Variants in KIAA0232 observed in about 807,000 individuals in gnomAD.
KIAA0232 encodes uncharacterized protein KIAA0232.
A neutral mutation model predicts 122.0 loss-of-function variants in KIAA0232; 27 were observed. The ratio of observed to expected loss-of-function variants is 0.22; its 90% CI spans 0.16 to 0.31. The LOEUF (loss-of-function observed/expected upper bound fraction) is 0.31. Among genes scored for constraint, KIAA0232 ranks in the 10% least tolerant of loss-of-function variants. The pLI is 1.00. For missense variants in KIAA0232, 1,551 were observed against 1,634.2 expected (o/e 0.95, Z 0.88); for synonymous variants, 613 against 587.6 (o/e 1.04, Z -0.63).
intron 5 of KIAA0232, among the ~76,000 whole-genome samples, chr4:6,858,157 G>A (rs907691131): frequency 5.3e-5 from 8 of 152,206 alleles, no homozygotes; most frequent in Admixed American, 2.6e-4. Flanking sequence ...GGGGACTTCA[G>A]TCTCTTAATT....
At chr4:6,795,368 G>A (rs1404990851) in intron 1 of KIAA0232, among the ~76,000 whole-genome samples, 3 of 152,136 alleles carry the variant, frequency 2.0e-5, no homozygotes, top group South Asian at 2.1e-4. Flanking sequence ...CACCGCGCCC[G>A]GCCCACATGT....
chr4:6,818,000 TTAA>T (rs1163909978), intron 2 of KIAA0232, among the ~76,000 whole-genome samples: 1 of 152,198 alleles, frequency 6.6e-6, no homozygotes, highest in East Asian at 1.9e-4. Flanking sequence ...AGCTTTTTTA[TTAA>T]TGTTAGTGTA....
intron 4 of KIAA0232, among the ~76,000 whole-genome samples, chr4:6,845,688 G>T (rs1237635762): frequency 6.6e-6 from 1 of 152,080 alleles, no homozygotes; most frequent in African/African-American, 2.4e-5. Flanking sequence ...AATATGGGTA[G>T]TGCAGGTTCA....
chr4:6,867,133 G>A (rs1002813483), intron 7 of KIAA0232, among the ~76,000 whole-genome samples: 13 of 151,766 alleles, frequency 8.6e-5, no homozygotes, highest in African/African-American at 2.7e-4. Context: ...CTATTCCATC[G>A]TATGGATATA....
chr4:6,871,758 A>C, intron 8 of KIAA0232, 76 bp downstream of exon 8: 1 of 908,704 alleles, frequency 1.1e-6, no homozygotes, highest in Non-Finnish European at 1.8e-6. Flanking sequence ...TTTTTCTATG[A>C]ATATCAGTCC....
At position 6,882,713 on chromosome 4, in the gene KIAA0232, C is replaced by G. The variant is rs936972437; in HGVS notation, c.*1747C>G. ...GTTATTTATTTACGAACTTCAGATACGTTTTTATGTATTTTTCATTCTTCT... is the reference window on the plus strand; with the variant it reads ...GTTATTTATTTACGAACTTCAGATAGGTTTTTATGTATTTTTCATTCTTCT... On this transcript the variant is annotated 3_prime_UTR_variant, in exon 10 of 10. Coordinates refer to ENST00000307659, the MANE Select transcript of KIAA0232 (RefSeq NM_014743.3). 2 of 152,596 alleles carry G rather than the reference C, an allele frequency of 1.3e-5. No homozygotes were observed. The highest frequency in any genetic ancestry group is 4.8e-5 in the African/African-American group (2 of 41,434). 9.5% of individuals were successfully genotyped at this position (152,596 alleles called of 1,614,324 possible).
chr4:6,845,718 T>G (rs1476914974), intron 4 of KIAA0232, among the ~76,000 whole-genome samples: 1 of 152,182 alleles, frequency 6.6e-6, no homozygotes, highest in Non-Finnish European at 1.5e-5. Flanking sequence ...AGGATCTTAT[T>G]TCTTCTTTGG....
chr4:6,799,843 C>T (rs62289437), intron 1 of KIAA0232, among the ~76,000 whole-genome samples: 17,686 of 151,212 alleles, frequency 0.12, 1,314 homozygotes, highest in East Asian at 0.26. Flanking sequence ...TACAGGTGCC[C>T]GCCACCACTC....
intron 3 of KIAA0232, among the ~76,000 whole-genome samples, chr4:6,830,462 T>C (rs1469803131): frequency 7.2e-6 from 1 of 139,660 alleles, no homozygotes; most frequent in Non-Finnish European, 1.5e-5. Flanking sequence ...CAGGCTAGAG[T>C]GCAGGGGCGA....
chr4:6,793,251 A>G (rs879399600), intron 1 of KIAA0232, among the ~76,000 whole-genome samples: 2 of 152,214 alleles, frequency 1.3e-5, no homozygotes, highest in Non-Finnish European at 2.9e-5. Flanking sequence ...ACAACATTGC[A>G]TATTATGCTT....
At chr4:6,851,742 A>T (rs1047628807) in intron 4 of KIAA0232, among the ~76,000 whole-genome samples, 2 of 148,696 alleles carry the variant, frequency 1.3e-5, no homozygotes, top group African/African-American at 4.9e-5. Context: ...AAAAAAAAAA[A>T]GCGGGGAGGG....
chr4:6,800,043 C>CTTTTT lies in KIAA0232; in HGVS notation c.-353-4452_-353-4448dup, dbSNP rs752428517. 3.4e-3 allele frequency among the ~76,000 whole-genome samples: 204 copies of CTTTTT among 59,992 alleles called. 28 individuals carry two copies. The highest frequency in any genetic ancestry group is 4.8e-3 in the African/African-American group (74 of 15,302). 39.4% of individuals were successfully genotyped at this position (59,992 alleles called of 152,430 possible). The stretch of plus-strand genomic sequence containing the variant: ...TTTCTTTTTCTTTCTTTCTTTCTTT[C>CTTTTT]TTTTTTTTTTTTTTTTTTTTTTTTT... On this transcript the variant is annotated intron_variant, in intron 1 of 9. Coordinates refer to ENST00000307659, the MANE Select transcript of KIAA0232 (RefSeq NM_014743.3).
At chr4:6,840,371 C>A (rs544740608) in intron 3 of KIAA0232, among the ~76,000 whole-genome samples, 3 of 152,288 alleles carry the variant, frequency 2.0e-5, no homozygotes, top group African/African-American at 7.2e-5. Context: ...TAGTGTTAAT[C>A]CCATGCAGAC....
rs1286949229 is a variant in KIAA0232, at chr4:6,881,150, T to A, written c.*184T>A. ...TTGAGGACAGCTATCCTGTTAAAGA[T>A]TTTTTTTCCCAGCTGTTAAATTCTT... On this transcript the variant is annotated 3_prime_UTR_variant, in exon 10 of 10. Coordinates refer to ENST00000307659, the MANE Select transcript of KIAA0232 (RefSeq NM_014743.3). 1 of 441,334 alleles carries A rather than the reference T, an allele frequency of 2.3e-6. No homozygotes were observed. The highest frequency in any genetic ancestry group is 3.8e-6 in the Non-Finnish European group (1 of 261,952). 27.3% of individuals were successfully genotyped at this position (441,334 alleles called of 1,614,324 possible). A position where few individuals can be genotyped will look rare whatever the true frequency, so the allele number is the denominator to read the frequency against.
At chr4:6,836,312 G>A (rs545984472) in intron 3 of KIAA0232, among the ~76,000 whole-genome samples, 23 of 151,484 alleles carry the variant, frequency 1.5e-4, no homozygotes, top group African/African-American at 5.6e-4. Flanking sequence ...TTTTTGATGG[G>A]GTTGTTTGTT....
At chr4:6,799,612 A>G (rs1717286972) in intron 1 of KIAA0232, among the ~76,000 whole-genome samples, 2 of 152,206 alleles carry the variant, frequency 1.3e-5, no homozygotes, top group African/African-American at 4.8e-5. Context: ...CATAACTATT[A>G]GAAAGACTCT....
At chr4:6,859,495 A>G (rs1323358549) in intron 6 of KIAA0232, among the ~76,000 whole-genome samples, 1 of 152,222 alleles carries the variant, frequency 6.6e-6, no homozygotes, top group Non-Finnish European at 1.5e-5. Context: ...AAGACTATAT[A>G]TAAAAAAAAG....
chr4:6,791,658 G>A (rs1016089202), intron 1 of KIAA0232, among the ~76,000 whole-genome samples: 1 of 152,064 alleles, frequency 6.6e-6, no homozygotes, highest in African/African-American at 2.4e-5. Flanking sequence ...TGAACAATAA[G>A]TCTCTTTCTT....
At chr4:6,833,185 C>T (rs1719085603) in intron 3 of KIAA0232, among the ~76,000 whole-genome samples, 1 of 152,204 alleles carries the variant, frequency 6.6e-6, no homozygotes, top group Admixed American at 6.5e-5. Context: ...ATAAAGCGCT[C>T]CTCGTGTGTG....
Sources: gnomAD v4.1 joint callset for allele counts (sites outside exome capture counted in the v4.1 genomes callset) on GRCh38, gnomAD v4.1.1 for gene constraint, MANE v1.5 for transcripts, NCBI Gene and HGNC (gene_info 2026-07-23, HGNC 2026-07-21) for gene names.